Variants in TMEM132D observed in about 807,000 individuals in gnomAD.
TMEM132D encodes the protein mature OL transmembrane protein.
In TMEM132D, 21 loss-of-function variants were observed where a neutral mutation model predicts 62.3. The ratio of observed to expected loss-of-function variants is 0.34; its 90% CI spans 0.24 to 0.49. The LOEUF (loss-of-function observed/expected upper bound fraction) is 0.49. Ranked by LOEUF, TMEM132D falls within the 20% of genes least tolerant of loss-of-function variation. The pLI is 0.99. For missense variants in TMEM132D, 1,346 were observed against 1,402.8 expected (o/e 0.96, Z 0.65); for synonymous variants, 621 against 575.6 (o/e 1.08, Z -1.13).
rs990716648 is a variant in TMEM132D at position 129,242,196 on chromosome 12, T to C, written c.1300-32533A>G. Reference sequence around the variant, plus strand: ...CAGAAGAATGGGGTTTTACAACTTCTCTCATTGACAGTTTCTACAGTTTAA... The same window carrying C: ...CAGAAGAATGGGGTTTTACAACTTCCCTCATTGACAGTTTCTACAGTTTAA... On this transcript the variant is annotated intron_variant, in intron 4 of 8. Transcript: ENST00000422113. Among the ~76,000 whole-genome samples the C allele has an allele frequency of 3.9e-5, 6 of 152,332 alleles. No homozygotes were observed. The South Asian group carries it at 1.0e-3, about 26-fold the overall frequency.
intron 1 of TMEM132D, among the ~76,000 whole-genome samples, chr12:129,876,728 C>T (rs921249632): frequency 7.2e-5 from 11 of 152,192 alleles, no homozygotes; most frequent in Non-Finnish European, 1.6e-4. Context: ...TTCAGCTTGG[C>T]CTCATCCTTA....
intron 1 of TMEM132D, among the ~76,000 whole-genome samples, chr12:129,846,637 T>C (rs934598060): frequency 7.2e-5 from 11 of 152,226 alleles, no homozygotes; most frequent in African/African-American, 2.7e-4. Flanking sequence ...TTGATGTTGC[T>C]CACTAGCTTT....
At chr12:129,202,960 A>G (rs1878748798) in intron 5 of TMEM132D, among the ~76,000 whole-genome samples, 2 of 152,356 alleles carry the variant, frequency 1.3e-5, no homozygotes, top group South Asian at 4.1e-4. Context: ...GTTTGCTGAC[A>G]GCAAACATTT....
chr12:129,801,815 A>T (rs1871795942), intron 1 of TMEM132D, among the ~76,000 whole-genome samples: 1 of 148,928 alleles, frequency 6.7e-6, no homozygotes, highest in Admixed American at 6.7e-5. Flanking sequence ...ATGTATAACT[A>T]GAATAACCAA....
At position 129,094,695 on chromosome 12, in the gene TMEM132D, G is replaced by A. The variant is rs542897449; in HGVS notation, c.1444-9993C>T. On this transcript the variant is annotated intron_variant, in intron 5 of 8. Transcript: ENST00000422113. ...TCCTATTACTGGGTATATACCCAAA[G>A]GATTATAAATCATGCTGCTATAAAG... 3.1e-3 allele frequency among the ~76,000 whole-genome samples: 478 copies of A among 152,226 alleles called. 5 individuals are homozygous for A. The highest frequency in any genetic ancestry group is 0.011 in the African/African-American group (449 of 41,518).
At chr12:129,225,317 AG>A (rs1197089183) in intron 4 of TMEM132D, among the ~76,000 whole-genome samples, 1 of 152,228 alleles carries the variant, frequency 6.6e-6, no homozygotes, top group Non-Finnish European at 1.5e-5. Flanking sequence ...GAGTGGAGAC[AG>A]GCACCTGGCC....
chr12:129,188,751 G>T (rs1262717206), intron 5 of TMEM132D, among the ~76,000 whole-genome samples: 1 of 92,146 alleles, frequency 1.1e-5, no homozygotes, highest in East Asian at 4.2e-4. Flanking sequence ...GGGAGAGGGG[G>T]AGGGAGAGAG....
chr12:129,769,892 T>A (rs1870677476), intron 1 of TMEM132D, among the ~76,000 whole-genome samples: 1 of 152,138 alleles, frequency 6.6e-6, no homozygotes, highest in South Asian at 2.1e-4. Flanking sequence ...ACTGGGATTT[T>A]TTTTCCCCTG....
At chr12:129,706,097 A>T (rs1389141868) in intron 1 of TMEM132D, among the ~76,000 whole-genome samples, 3 of 152,110 alleles carry the variant, frequency 2.0e-5, no homozygotes, top group Non-Finnish European at 4.4e-5. Context: ...GATAAACAAA[A>T]ATAGAAAACA....
intron 1 of TMEM132D, among the ~76,000 whole-genome samples, chr12:129,765,851 ATCT>A (rs1163361622): frequency 6.6e-6 from 1 of 152,164 alleles, no homozygotes; most frequent in East Asian, 1.9e-4. Flanking sequence ...TTCTTTGAAG[ATCT>A]TCTTTTAACA....
intron 7 of TMEM132D, among the ~76,000 whole-genome samples, chr12:129,079,024 G>A (rs1377779841): frequency 6.6e-6 from 1 of 152,216 alleles, no homozygotes; most frequent in Admixed American, 6.5e-5. Context: ...TGGACAGGAG[G>A]AACTGACGTT....
chr12:129,269,637 A>G (rs1394020446), intron 4 of TMEM132D, among the ~76,000 whole-genome samples: 2 of 152,134 alleles, frequency 1.3e-5, no homozygotes, highest in African/African-American at 4.8e-5. Context: ...GGATAGGATG[A>G]CCCACGAAGA....
At chr12:129,660,736 T>G (rs1255291327) in intron 2 of TMEM132D, among the ~76,000 whole-genome samples, 2 of 152,080 alleles carry the variant, frequency 1.3e-5, no homozygotes, top group Admixed American at 6.6e-5. Flanking sequence ...ATGACAATAC[T>G]CCTGTCTTGT....
chr12:129,741,057 G>A (rs572422008), intron 1 of TMEM132D, among the ~76,000 whole-genome samples: 1 of 152,290 alleles, frequency 6.6e-6, no homozygotes, highest in South Asian at 2.1e-4. Context: ...CATCTCCTGA[G>A]GAATTTCTAC....
At chr12:129,712,973 G>C (rs1429456007) in intron 1 of TMEM132D, among the ~76,000 whole-genome samples, 1 of 152,156 alleles carries the variant, frequency 6.6e-6, no homozygotes, top group African/African-American at 2.4e-5. Flanking sequence ...TTACGTGAGA[G>C]AAGGAATTTC....
intron 4 of TMEM132D, among the ~76,000 whole-genome samples, chr12:129,257,472 G>A (rs957947385): frequency 3.3e-5 from 5 of 152,160 alleles, no homozygotes; most frequent in African/African-American, 1.2e-4. Flanking sequence ...GCCTCCCAAA[G>A]TGCTGGGATT....
At chr12:129,608,128 C>A (rs1040916118) in intron 2 of TMEM132D, among the ~76,000 whole-genome samples, 2 of 152,172 alleles carry the variant, frequency 1.3e-5, no homozygotes, top group African/African-American at 4.8e-5. Context: ...GAAGGAACAG[C>A]GAAGTGTGTT....
chr12:129,349,361 C>T (rs1869792461), intron 3 of TMEM132D, among the ~76,000 whole-genome samples: 1 of 152,140 alleles, frequency 6.6e-6, no homozygotes, highest in Admixed American at 6.5e-5. Context: ...AGATGAGGCT[C>T]TAGATAATCC....
At chr12:129,112,462 G>A (rs565888091) in intron 5 of TMEM132D, among the ~76,000 whole-genome samples, 1 of 152,326 alleles carries the variant, frequency 6.6e-6, no homozygotes, top group East Asian at 1.9e-4. Context: ...GGGAGTTCGA[G>A]ACCATCCTGA....
Sources: gnomAD v4.1 joint callset for allele counts (sites outside exome capture counted in the v4.1 genomes callset) on GRCh38, gnomAD v4.1.1 for gene constraint, MANE v1.5 for transcripts, NCBI Gene and HGNC (gene_info 2026-07-23, HGNC 2026-07-21) for gene names.